The following DNAJC3 variants were observed in gnomAD, a reference collection of about 807,000 sequenced individuals.
DNAJC3 encodes DnaJ heat shock protein family (Hsp40) member C3, also known as dnaJ homolog subfamily C member 3.
In DNAJC3, 38 loss-of-function variants were observed where a neutral mutation model predicts 68.6. That is an observed-to-expected ratio of 0.55 (90% CI 0.43 to 0.73). DNAJC3 has a LOEUF of 0.73. Ranked by LOEUF, DNAJC3 falls within the 30% of genes least tolerant of loss-of-function variation. DNAJC3 has a pLI of 0.00. For synonymous variants in DNAJC3, 203 were observed against 204.0 expected (o/e 1.00, Z 0.04); for missense variants, 526 against 591.9 (o/e 0.89, Z 1.16).
intron 1 of DNAJC3, chr13:95,694,420 T>C (rs560783685): frequency 1.3e-5 from 2 of 152,554 alleles, no homozygotes; most frequent in Admixed American, 6.6e-5. Context: ...CCTCCATAAA[T>C]AGGAGAAAGT....
At chr13:95,737,558 A>G (rs544245968) in intron 4 of DNAJC3, among the ~76,000 whole-genome samples, 1 of 152,060 alleles carries the variant, frequency 6.6e-6, no homozygotes, top group East Asian at 1.9e-4. Flanking sequence ...GAGAGAGTGT[A>G]TGTGTCCAGG....
Position 95,781,837 on chromosome 13 carries a change from G to T in DNAJC3, c.1076-4102G>T, listed in dbSNP as rs11841122. 8.2e-4 allele frequency among the ~76,000 whole-genome samples: 125 copies of T among 151,676 alleles called. No homozygotes were observed. The East Asian group carries it at 0.022, about 27-fold the overall frequency. ...TTTTTTTTTTTACTTTAAGTTCTGGGATACATGTGCAGAATGTACAGGTTT... is the reference window on the plus strand; with the variant it reads ...TTTTTTTTTTTACTTTAAGTTCTGGTATACATGTGCAGAATGTACAGGTTT... On this transcript the variant is annotated intron_variant, in intron 9 of 11. Transcript: ENST00000602402.
chr13:95,704,849 G>GTTTTTTTTTTTTTTTT (rs1292968162), intron 1 of DNAJC3, among the ~76,000 whole-genome samples: 2 of 102,884 alleles, frequency 1.9e-5, no homozygotes, highest in African/African-American at 1.5e-4. Context: ...CTGTGTGTGT[G>GTTTTTTTTTTTTTTTT]TGTTTTTTTT....
intron 4 of DNAJC3, among the ~76,000 whole-genome samples, chr13:95,744,148 A>G (rs1021697693): frequency 3.9e-5 from 6 of 152,246 alleles, no homozygotes; most frequent in African/African-American, 9.6e-5. Context: ...TTCATCAGCA[A>G]TTTTTAATTT....
At chr13:95,723,115 T>G in intron 2 of DNAJC3, 127 bp from the exon 3 acceptor site, 117 of 871,088 alleles carry the variant, frequency 1.3e-4, no homozygotes, top group Non-Finnish European at 1.8e-4. Flanking sequence ...TTTTTGATGA[T>G]GAGATTCTTT....
chr13:95,729,339 C>T (rs1288641138), intron 4 of DNAJC3, among the ~76,000 whole-genome samples: 1 of 140,104 alleles, frequency 7.1e-6, no homozygotes, highest in African/African-American at 2.7e-5. Flanking sequence ...TTTCCCTCTC[C>T]CTCTCCTTCT....
intron 2 of DNAJC3, 51 bp from the exon 3 acceptor site, chr13:95,723,188 TAAA>T: frequency 6.6e-7 from 1 of 1,514,540 alleles, no homozygotes; most frequent in Non-Finnish European, 8.9e-7. Flanking sequence ...TGTTTTTTTT[TAAA>T]TTTTTATTTT....
chr13:95,696,158 C>T (rs925366262), intron 1 of DNAJC3, among the ~76,000 whole-genome samples: 1 of 152,204 alleles, frequency 6.6e-6, no homozygotes, highest in Non-Finnish European at 1.5e-5. Context: ...TCGACCAGTA[C>T]TGGAAACCCT....
intron 4 of DNAJC3, among the ~76,000 whole-genome samples, chr13:95,734,417 A>G (rs1254300780): frequency 6.6e-6 from 1 of 152,132 alleles, no homozygotes; most frequent in Non-Finnish European, 1.5e-5. Context: ...CTTATAAATG[A>G]CTAAATGTTT....
intron 4 of DNAJC3, among the ~76,000 whole-genome samples, chr13:95,754,390 G>GT (rs1462570223): frequency 1.3e-5 from 2 of 152,188 alleles, no homozygotes; most frequent in Non-Finnish European, 1.5e-5. Context: ...ATGGAAGTCA[G>GT]TTTTTTGTGA....
rs1163941452 is a variant in DNAJC3, at chr13:95,739,712, T to G, written c.393+14460T>G. ...ATTGGTTATTCTAGTTATACATTCT[T>G]CTAAATTTTTTTCAAAGTTTTCAAC... On this transcript the variant is annotated intron_variant, in intron 4 of 11. Transcript: ENST00000602402. 7.9e-5 allele frequency among the ~76,000 whole-genome samples: 12 copies of G among 152,034 alleles called. No homozygotes were observed. The South Asian group carries it at 1.5e-3, about 18-fold the overall frequency.
chr13:95,771,295 A>G (rs950982319), intron 9 of DNAJC3, among the ~76,000 whole-genome samples: 1 of 152,222 alleles, frequency 6.6e-6, no homozygotes, highest in Non-Finnish European at 1.5e-5. Context: ...ATGTTAAAGC[A>G]AGAAATCATT....
intron 11 of DNAJC3, 114 bp downstream of exon 11, chr13:95,787,269 C>T: frequency 1.5e-6 from 2 of 1,348,286 alleles, no homozygotes; most frequent in Non-Finnish European, 2.0e-6. Flanking sequence ...GGTCCTGAGC[C>T]CAGTTCCAGA....
intron 7 of DNAJC3, 137 bp downstream of exon 7, chr13:95,760,935 AC>A: frequency 8.0e-7 from 1 of 1,247,736 alleles, no homozygotes; most frequent in Non-Finnish European, 1.1e-6. Flanking sequence ...CCTTAGCAAA[AC>A]TACCAGAATT....
At chr13:95,678,245 A>T (rs1879818271) in intron 1 of DNAJC3, among the ~76,000 whole-genome samples, 1 of 152,230 alleles carries the variant, frequency 6.6e-6, no homozygotes, top group Non-Finnish European at 1.5e-5. Flanking sequence ...ATCTATTTTC[A>T]TCCCCATAAA....
intron 1 of DNAJC3, chr13:95,694,009 A>G (rs1168441081): frequency 1.3e-5 from 2 of 152,180 alleles, no homozygotes; most frequent in Non-Finnish European, 2.9e-5. Flanking sequence ...CAATTACAAC[A>G]TAATCAGCAA....
In DNAJC3 at chr13:95,704,851, G is replaced by GTTTTTTTGTTT. The variant is rs1437981663; in HGVS notation, c.83-4369_83-4368insGTTTTTTTTTT. Among the ~76,000 whole-genome samples, 321 of 97,834 alleles carry GTTTTTTTGTTT rather than the reference G, an allele frequency of 3.3e-3. 27 individuals carry two copies. The highest frequency in any genetic ancestry group is 0.018 in the African/African-American group (304 of 16,734). The allele number at this position is 97,834 out of a possible 152,430, so 64.2% of individuals were successfully genotyped here. ...AGAAAGGACTAATCTGTGTGTGTGT[G>GTTTTTTTGTTT]TTTTTTTTTTTTTTTTTTGAGACAG... is the stretch of plus-strand genomic sequence containing the variant. On this transcript the variant is annotated intron_variant, in intron 1 of 11. Coordinates refer to ENST00000602402, the MANE Select transcript of DNAJC3 (RefSeq NM_006260.5).
At chr13:95,789,809 ATTT>A (rs1428926684) in intron 11 of DNAJC3, among the ~76,000 whole-genome samples, 1 of 152,008 alleles carries the variant, frequency 6.6e-6, no homozygotes, top group African/African-American at 2.4e-5. Flanking sequence ...GGCAGCATCT[ATTT>A]TTTTTACTTT....
chr13:95,758,353 T>C lies in DNAJC3; in HGVS notation c.546+557T>C, dbSNP rs1021336289. ...CCCTGCCTCTAAAAATATTAATAAT[T>C]GGCTGGGTGTGGTGGCTCATGCCTG... On this transcript the variant is annotated intron_variant, in intron 5 of 11. Transcript: ENST00000602402. Among the ~76,000 whole-genome samples the C allele has an allele frequency of 2.6e-5, 4 of 151,690 alleles. No homozygotes were observed. The East Asian group carries it at 7.8e-4, about 29-fold the overall frequency.
Sources: allele counts gnomAD v4.1 joint callset (sites outside exome capture counted in the v4.1 genomes callset), GRCh38; gene constraint gnomAD v4.1.1; transcripts MANE v1.5; gene names NCBI Gene and HGNC (gene_info 2026-07-23, HGNC 2026-07-21).